Variants in PPP2R1B observed in about 807,000 individuals in gnomAD.
The protein encoded by PPP2R1B is protein phosphatase 2 scaffold subunit Abeta.
PPP2R1B carries 58 observed loss-of-function variants against 72.7 expected under a neutral mutation model. That is an observed-to-expected ratio of 0.80 (90% CI 0.65 to 0.99). The LOEUF is 0.99. Among genes scored for constraint, PPP2R1B ranks in the 50% least tolerant of loss-of-function variants. The probability of loss-of-function intolerance (pLI) is 0.00; values close to 1 mark genes in which losing one functional copy is unlikely to be tolerated. For synonymous variants in PPP2R1B, 256 were observed against 264.6 expected (o/e 0.97, Z 0.32); for missense variants, 695 against 733.6 (o/e 0.95, Z 0.61).
chr11:111,699,033 T>A, the PPP2R1B span, among the ~76,000 whole-genome samples: 1 of 152,182 alleles, frequency 6.6e-6, no homozygotes, highest in Non-Finnish European at 1.5e-5. Context: ...AATATATATA[T>A]CTGTATGTGT....
At chr11:111,765,203 T>C in intron 2 of PPP2R1B, 91 bp downstream of exon 2, 2 of 1,289,838 alleles carry the variant, frequency 1.6e-6, no homozygotes, top group Non-Finnish European at 2.2e-6. Context: ...TGGCTCATTT[T>C]AATGTGGGTA....
the PPP2R1B span, among the ~76,000 whole-genome samples, chr11:111,719,242 C>T: frequency 6.6e-6 from 1 of 151,864 alleles, no homozygotes; most frequent in East Asian, 1.9e-4. Context: ...GCATATAGAA[C>T]CAATTAAAGA....
At chr11:111,736,669 A>G (rs1006962820), downstream of PPP2R1B, among the ~76,000 whole-genome samples, 1 of 152,196 alleles carries the variant, frequency 6.6e-6, no homozygotes, top group Admixed American at 6.5e-5. Context: ...ACCTCAACAA[A>G]AGGCAAAAAA....
At chr11:111,752,018 T>C in intron 10 of PPP2R1B, 141 bp downstream of exon 10, 1 of 918,694 alleles carries the variant, frequency 1.1e-6, no homozygotes, top group Non-Finnish European at 1.6e-6. Context: ...ATAAAAACCA[T>C]CCTATAGGTA....
At chr11:111,707,831 G>C in the PPP2R1B span, among the ~76,000 whole-genome samples, 1 of 152,200 alleles carries the variant, frequency 6.6e-6, no homozygotes, top group Admixed American at 6.5e-5. Context: ...GAATCATGCA[G>C]ACCTTGGGTT....
the PPP2R1B span, among the ~76,000 whole-genome samples, chr11:111,719,383 A>G: frequency 7.8e-6 from 1 of 127,990 alleles, no homozygotes; most frequent in East Asian, 2.3e-4. Flanking sequence ...TTTAGCAATG[A>G]GCCAAGTAGT....
the PPP2R1B span, among the ~76,000 whole-genome samples, chr11:111,688,719 A>G: frequency 1.3e-5 from 2 of 152,120 alleles, no homozygotes; most frequent in African/African-American, 2.4e-5. The surrounding 1 kb of genome is among the most constrained non-coding windows in gnomAD (Gnocchi z 4.2). Flanking sequence ...AAAATGTTTT[A>G]TTTTATATTC....
At position 111,765,373 on chromosome 11, in the gene PPP2R1B, G is replaced by GTA. The variant is rs782626761; in HGVS notation, c.125_126insTA (p.Ser43ThrfsTer11). On this transcript the variant is annotated frameshift_variant, in exon 2 of 15. Transcript: ENST00000527614. LOFTEE classifies it high-confidence loss of function. ...CAATTGTTGATAACTTCTTAATACT[G>GTA]TTGAGTCGGAGCTTCAGAAAAGAAA... is the stretch of plus-strand genomic sequence containing the variant. The GTA allele has an allele frequency of 9.3e-6, 15 of 1,611,050 alleles. No homozygotes were observed. The highest frequency in any genetic ancestry group is 8.5e-7 in the Non-Finnish European group (1 of 1,178,524).
the PPP2R1B span, among the ~76,000 whole-genome samples, chr11:111,715,990 T>A: frequency 6.6e-6 from 1 of 151,962 alleles, no homozygotes; most frequent in Non-Finnish European, 1.5e-5. Context: ...TTAGTAGAGA[T>A]GGGGTTTTGC....
At chr11:111,718,997 C>T in the PPP2R1B span, 2,800 of 152,370 alleles carry the variant, frequency 0.018, 51 homozygotes, top group Non-Finnish European at 0.026. Flanking sequence ...CCAATGCTTG[C>T]GGGGAGCTGT....
chr11:111,723,399 G>A (rs930726744), downstream of PPP2R1B: 16 of 1,323,496 alleles, frequency 1.2e-5, no homozygotes, highest in Non-Finnish European at 1.6e-5. Flanking sequence ...AGAGACTTAA[G>A]TAGAAGACTG....
chr11:111,702,699 A>G, the PPP2R1B span, among the ~76,000 whole-genome samples: 1 of 152,202 alleles, frequency 6.6e-6, no homozygotes, highest in Non-Finnish European at 1.5e-5. Context: ...GCTAGTGCTC[A>G]AAGTTGCAGC....
the PPP2R1B span, among the ~76,000 whole-genome samples, chr11:111,692,215 G>A: frequency 4.6e-5 from 7 of 151,732 alleles, no homozygotes; most frequent in Admixed American, 3.3e-4. Flanking sequence ...GCCAGGAATG[G>A]CAGCATGCGC....
rs139159975 is a variant in PPP2R1B, at chr11:111,759,580, C to T, written c.687+224G>A. Among the ~76,000 whole-genome samples the T allele has an allele frequency of 7.4e-3, 1,128 of 152,280 alleles. 10 individuals carry two copies. The highest frequency in any genetic ancestry group is 0.027 in the Middle Eastern group (8 of 294). ...TATGGCTCCCATTTCCTCTCTGACT[C>T]CCCACTCTTTTAACAGCTGCTAATG... On this transcript the variant is annotated intron_variant, in intron 5 of 14. Transcript: ENST00000527614.
At chr11:111,727,308 T>C (rs1426969920) in intron 15 of PPP2R1B, 6 of 516,158 alleles carry the variant, frequency 1.2e-5, no homozygotes, top group Non-Finnish European at 2.1e-5. Context: ...GCAAACCCCT[T>C]CTCTCTTCCA....
downstream of PPP2R1B, chr11:111,725,437 T>TTCAG (rs375531146): frequency 2.4e-3 from 367 of 152,648 alleles, no homozygotes; most frequent in African/African-American, 8.2e-3. Flanking sequence ...ACACTTACAA[T>TTCAG]TCAGTCATCA....
In PPP2R1B at chr11:111,763,173, GA is replaced by G. The variant is rs1945390593; in HGVS notation, c.306+1631del. Among the ~76,000 whole-genome samples the G allele has an allele frequency of 5.9e-5, 9 of 152,366 alleles. No homozygotes were observed. The South Asian group carries it at 1.9e-3, about 32-fold the overall frequency. Reference sequence around the variant, plus strand: ...CCTGAATGACAAGGAGCCAGCCACAGAAAGCTTGAAAGAGCTTTTCATTAGA... The same window carrying G: ...CCTGAATGACAAGGAGCCAGCCACAGAAGCTTGAAAGAGCTTTTCATTAGA... On this transcript the variant is annotated intron_variant, in intron 3 of 14. Transcript: ENST00000527614.
chr11:111,719,907 G>A, the PPP2R1B span: 9 of 1,614,012 alleles, frequency 5.6e-6, no homozygotes, highest in South Asian at 4.4e-5. Context: ...GGAAGACCCC[G>A]CTCATGCCTT....
At chr11:111,750,683 G>A (rs1458219700) in intron 10 of PPP2R1B, among the ~76,000 whole-genome samples, 2 of 149,788 alleles carry the variant, frequency 1.3e-5, no homozygotes, top group East Asian at 2.0e-4. Flanking sequence ...CTCAAAAAAA[G>A]GAAAGGATGT....
Sources: gnomAD v4.1 joint callset for allele counts (sites outside exome capture counted in the v4.1 genomes callset) on GRCh38, gnomAD v4.1.1 for gene constraint, Gnocchi (gnomAD v3.1) non-coding constraint, MANE v1.5 for transcripts, NCBI Gene and HGNC (gene_info 2026-07-23, HGNC 2026-07-21) for gene names.